The following PALS2 variants were observed in gnomAD, a reference collection of about 807,000 sequenced individuals.
PALS2 encodes protein PALS2.
A neutral mutation model predicts 61.6 loss-of-function variants in PALS2; 27 were observed. The ratio of observed to expected loss-of-function variants is 0.44; its 90% CI spans 0.32 to 0.60. PALS2 has a LOEUF of 0.60. Among genes scored for constraint, PALS2 ranks in the 20% least tolerant of loss-of-function variants. The probability of loss-of-function intolerance (pLI) is 0.05; values close to 1 mark genes in which losing one functional copy is unlikely to be tolerated. For synonymous variants in PALS2, 236 were observed against 218.6 expected (o/e 1.08, Z -0.70); for missense variants, 554 against 639.4 (o/e 0.87, Z 1.44).
rs369891840 is a variant in PALS2 at position 24,666,360 on chromosome 7, CAT to C, written c.952+273_952+274del. 2.0e-4 allele frequency among the ~76,000 whole-genome samples: 30 copies of C among 152,246 alleles called. 1 individual carries two copies. The South Asian group carries it at 6.0e-3, about 30-fold the overall frequency. ...GTTTGTCTTAATCAAGAAGCAGTAT[CAT>C]AATTGAAACTATTTGTCCAGAGAAT... On this transcript the variant is annotated intron_variant, in intron 8 of 11. Coordinates refer to ENST00000222644, the MANE Select transcript of PALS2 (RefSeq NM_001303037.2).
rs147840898 is a variant in PALS2, at chr7:24,684,925, G to C, written c.1447-2513G>C. 2.2e-4 allele frequency among the ~76,000 whole-genome samples: 33 copies of C among 151,970 alleles called. No homozygotes were observed. The East Asian group carries it at 5.4e-3, about 25-fold the overall frequency. On this transcript the variant is annotated intron_variant, in intron 11 of 11. Transcript: ENST00000222644. Reference sequence around the variant, plus strand: ...AGTTCCAGGCTTTTATTGTTCTTAGGATATATCCCACTAGATTTTTTTTTT... The same window carrying C: ...AGTTCCAGGCTTTTATTGTTCTTAGCATATATCCCACTAGATTTTTTTTTT...
intron 1 of PALS2, among the ~76,000 whole-genome samples, chr7:24,599,126 C>T (rs1258373483): frequency 6.6e-6 from 1 of 152,072 alleles, no homozygotes; most frequent in African/African-American, 2.4e-5. Context: ...AGTACTAACA[C>T]AAACATAGAT....
chr7:24,593,498 T>G (rs1462892079), intron 1 of PALS2, among the ~76,000 whole-genome samples: 1 of 152,148 alleles, frequency 6.6e-6, no homozygotes, highest in Non-Finnish European at 1.5e-5. Context: ...GAGGAATCAC[T>G]ATCTATGGCA....
intron 2 of PALS2, among the ~76,000 whole-genome samples, chr7:24,624,662 A>G (rs1196753778): frequency 7.6e-6 from 1 of 131,452 alleles, no homozygotes; most frequent in African/African-American, 3.1e-5. Context: ...GCTGGAGTGC[A>G]CTGGCACGAT....
chr7:24,645,784 T>G (rs867906670), intron 3 of PALS2, among the ~76,000 whole-genome samples: 1 of 152,226 alleles, frequency 6.6e-6, no homozygotes, highest in African/African-American at 2.4e-5. Flanking sequence ...GTGTCTTCTC[T>G]GATTTCTTTG....
chr7:24,647,255 TCC>T (rs1785886524), intron 3 of PALS2, among the ~76,000 whole-genome samples: 1 of 152,050 alleles, frequency 6.6e-6, no homozygotes, highest in African/African-American at 2.4e-5. Flanking sequence ...CAAGCAATTC[TCC>T]TGCCTCAGCC....
At position 24,659,705 on chromosome 7, in the gene PALS2, A is replaced by T. The variant is rs113302385; in HGVS notation, c.652-3885A>T. Among the ~76,000 whole-genome samples the T allele has an allele frequency of 7.4e-3, 1,134 of 152,288 alleles. 7 individuals carry two copies. The highest frequency in any genetic ancestry group is 0.025 in the African/African-American group (1,056 of 41,562). On this transcript the variant is annotated intron_variant, in intron 5 of 11. Coordinates refer to ENST00000222644, the MANE Select transcript of PALS2 (RefSeq NM_001303037.2). ...CTGGTGAGAACAGAAACTATTCTTG[A>T]CCGTATACAACTTCTATATATAGTT...
At position 24,689,865 on chromosome 7, in the gene PALS2, T is replaced by C. The variant is rs898873505; in HGVS notation, c.*2251T>C. The C allele has an allele frequency of 2.0e-5, 3 of 152,202 alleles. No homozygotes were observed. Among genetic ancestry groups the C allele is most frequent in the Non-Finnish European group, 4.4e-5 (3 of 68,024 alleles). 9.4% of individuals were successfully genotyped at this position (152,202 alleles called of 1,614,324 possible). A position where few individuals can be genotyped will look rare whatever the true frequency, so the allele number is the denominator to read the frequency against. ...TCAGGAAATGTGCTGTATTCTCTAATGTACTTTCATGCTGCAGCATGGAGC... is the reference window on the plus strand; with the variant it reads ...TCAGGAAATGTGCTGTATTCTCTAACGTACTTTCATGCTGCAGCATGGAGC... On this transcript the variant is annotated 3_prime_UTR_variant, in exon 12 of 12. Transcript: ENST00000222644.
chr7:24,583,078 A>G (rs1349804442), intron 1 of PALS2, among the ~76,000 whole-genome samples: 2 of 151,756 alleles, frequency 1.3e-5, no homozygotes, highest in African/African-American at 2.4e-5. Context: ...TATTTTTAGT[A>G]GAGAGGGTTT....
At chr7:24,605,780 A>G (rs1783878150) in intron 1 of PALS2, among the ~76,000 whole-genome samples, 1 of 152,196 alleles carries the variant, frequency 6.6e-6, no homozygotes, top group Non-Finnish European at 1.5e-5. Context: ...TACCTGTGTA[A>G]TAAAACAATA....
In PALS2 at chr7:24,619,826, A is replaced by ACTTG. The variant is rs199604425; in HGVS notation, c.-2-3839_-2-3836dup. 4.6e-3 allele frequency among the ~76,000 whole-genome samples: 707 copies of ACTTG among 152,126 alleles called. 10 individuals carry two copies. Among genetic ancestry groups the ACTTG allele is most frequent in the African/African-American group, 0.016 (673 of 41,526 alleles). ...CTAGTGATTATTGAGAAGGAGTGGAACTTGTAGGTAACTTACTTTTTGAGT... is the reference window on the plus strand; with the variant it reads ...CTAGTGATTATTGAGAAGGAGTGGAACTTGCTTGTAGGTAACTTACTTTTTGAGT... On this transcript the variant is annotated intron_variant, in intron 1 of 11. Transcript: ENST00000222644.
chr7:24,688,679 G>T lies in PALS2; in HGVS notation c.*1065G>T, dbSNP rs933279380. 7 of 150,466 alleles carry T rather than the reference G, an allele frequency of 4.7e-5. No individual in the cohort carries two copies. Among genetic ancestry groups the T allele is most frequent in the Non-Finnish European group, 7.4e-5 (5 of 67,590 alleles). 9.3% of individuals were successfully genotyped at this position (150,466 alleles called of 1,614,324 possible). A position where few individuals can be genotyped will look rare whatever the true frequency, so the allele number is the denominator to read the frequency against. ...ACCCATTGAACAACTTAAAAAATTGGGAAATAATTGTCAGCTATTTTGTAT... is the reference window on the plus strand; with the variant it reads ...ACCCATTGAACAACTTAAAAAATTGTGAAATAATTGTCAGCTATTTTGTAT... On this transcript the variant is annotated 3_prime_UTR_variant, in exon 12 of 12. Coordinates refer to ENST00000222644, the MANE Select transcript of PALS2 (RefSeq NM_001303037.2).
At chr7:24,583,556 T>C (rs1782931185) in intron 1 of PALS2, among the ~76,000 whole-genome samples, 1 of 151,994 alleles carries the variant, frequency 6.6e-6, no homozygotes, top group Non-Finnish European at 1.5e-5. Flanking sequence ...TTCAATAAGG[T>C]CCCCTGCCCC....
rs570816655 is a variant in PALS2, at chr7:24,689,734, C to T, written c.*2120C>T. ...AAACTACATGTGTTTACACCAAATTCTTGGCTTCTCAAAGCAACATGAATT... is the reference window on the plus strand; with the variant it reads ...AAACTACATGTGTTTACACCAAATTTTTGGCTTCTCAAAGCAACATGAATT... On this transcript the variant is annotated 3_prime_UTR_variant, in exon 12 of 12. Coordinates refer to ENST00000222644, the MANE Select transcript of PALS2 (RefSeq NM_001303037.2). The T allele has an allele frequency of 1.3e-5, 2 of 152,152 alleles. No homozygotes were observed. Among genetic ancestry groups the T allele is most frequent in the African/African-American group, 4.8e-5 (2 of 41,430 alleles). The allele number at this position is 152,152 out of a possible 1,614,324, so 9.4% of individuals were successfully genotyped here. A position where few individuals can be genotyped will look rare whatever the true frequency, so the allele number is the denominator to read the frequency against.
chr7:24,650,821 T>G (rs1583947884), intron 5 of PALS2, 109 bp downstream of exon 5: 1 of 784,056 alleles, frequency 1.3e-6, no homozygotes, highest in Non-Finnish European at 1.9e-6. Flanking sequence ...GAGAAAAAAT[T>G]GATTTGAGTG....
At chr7:24,594,400 A>G (rs1035935292) in intron 1 of PALS2, among the ~76,000 whole-genome samples, 3 of 152,112 alleles carry the variant, frequency 2.0e-5, no homozygotes, top group African/African-American at 7.2e-5. Flanking sequence ...CTTTGCATTC[A>G]CAACTTGGCT....
intron 1 of PALS2, among the ~76,000 whole-genome samples, chr7:24,591,480 GTATT>G: frequency 6.6e-6 from 1 of 152,180 alleles, no homozygotes; most frequent in East Asian, 1.9e-4. Context: ...CATCCAATGA[GTATT>G]TATTAAATGT....
At chr7:24,682,392 G>T (rs1584010400) in intron 11 of PALS2, among the ~76,000 whole-genome samples, 1 of 152,266 alleles carries the variant, frequency 6.6e-6, no homozygotes, top group East Asian at 1.9e-4. Context: ...GTCTGTCTGT[G>T]CTGCTCTTCC....
chr7:24,579,916 A>G (rs2128038871), intron 1 of PALS2, among the ~76,000 whole-genome samples: 1 of 152,286 alleles, frequency 6.6e-6, no homozygotes, highest in Non-Finnish European at 1.5e-5. Flanking sequence ...ATTATTAGAT[A>G]TTAGTTGGGT....
Sources: gnomAD v4.1 joint callset for allele counts (sites outside exome capture counted in the v4.1 genomes callset) on GRCh38, gnomAD v4.1.1 for gene constraint, MANE v1.5 for transcripts, NCBI Gene and HGNC (gene_info 2026-07-23, HGNC 2026-07-21) for gene names.